DPY19L1: variants seen among roughly 807,000 people sequenced by gnomAD.
DPY19L1 encodes the protein protein C-mannosyl-transferase DPY19L1.
In DPY19L1, 35 loss-of-function variants were observed where a neutral mutation model predicts 96.9. The observed-to-expected ratio is 0.36, with a 90% CI of 0.28 to 0.48. DPY19L1 has a LOEUF of 0.48. Among genes scored for constraint, DPY19L1 ranks in the 20% least tolerant of loss-of-function variants. The pLI is 0.99. For synonymous variants in DPY19L1, 205 were observed against 252.6 expected (o/e 0.81, Z 1.79); for missense variants, 521 against 777.9 (o/e 0.67, Z 3.93).
At chr7:34,932,576 G>A (rs17170056) in intron 21 of DPY19L1, among the ~76,000 whole-genome samples, 3,063 of 152,224 alleles carry the variant, frequency 0.02, 108 homozygotes, top group African/African-American at 0.07. Flanking sequence ...TTGGACAGTC[G>A]ATATTCTAGA....
chr7:34,950,560 G>C (rs776089012), intron 13 of DPY19L1, among the ~76,000 whole-genome samples: 29 of 152,066 alleles, frequency 1.9e-4, no homozygotes, highest in Non-Finnish European at 3.8e-4. Context: ...GTCTAAAAAA[G>C]CAACAACCAA....
At chr7:35,009,850 T>C (rs188214944) in intron 6 of DPY19L1, among the ~76,000 whole-genome samples, 1 of 152,226 alleles carries the variant, frequency 6.6e-6, no homozygotes, top group Admixed American at 6.5e-5. Context: ...ATACAGCAAA[T>C]GGAATATACT....
chr7:35,028,023 A>G (rs1390406164), intron 1 of DPY19L1, among the ~76,000 whole-genome samples: 1 of 152,222 alleles, frequency 6.6e-6, no homozygotes, highest in Non-Finnish European at 1.5e-5. Context: ...AAAAATTAGA[A>G]AACTTAATTA....
At chr7:34,934,843 G>A (rs1321459582) in intron 21 of DPY19L1, among the ~76,000 whole-genome samples, 5 of 152,200 alleles carry the variant, frequency 3.3e-5, no homozygotes, top group African/African-American at 1.2e-4. Flanking sequence ...CTGTGAGACT[G>A]GGTTCCTAAC....
At chr7:35,013,745 C>A (rs764732561) in intron 3 of DPY19L1, 40 bp from the exon 4 acceptor site, 3 of 1,501,668 alleles carry the variant, frequency 2.0e-6, no homozygotes, top group African/African-American at 2.8e-5. Context: ...ACAAAAGGTA[C>A]ATAATTATGA....
Position 35,017,967 on chromosome 7 carries a change from C to A in DPY19L1, c.326G>T (p.Ser109Ile). 1 of 1,597,132 alleles carries A rather than the reference C, an allele frequency of 6.3e-7. No individual in the cohort carries two copies. Among genetic ancestry groups the A allele is most frequent in the Non-Finnish European group, 8.5e-7 (1 of 1,171,414 alleles). The change falls in exon 3 of 22, where the codon AGC becomes ATC. Residue 109 changes from serine to isoleucine, a missense_variant and splice_region_variant. Ser to Ile is a moderately radical substitution (Grantham distance 142). Coordinates refer to ENST00000638088, the MANE Select transcript of DPY19L1 (RefSeq NM_001366673.1). Reference sequence around the variant, plus strand: ...ATTTTCAAAGAGGTGTGTTATATGGCTCCTGGAAAAACAAAACAAAGCAAT... The same window carrying A: ...ATTTTCAAAGAGGTGTGTTATATGGATCCTGGAAAAACAAAACAAAGCAAT... The part of the protein sequence containing the change: ...LAVFAAVLHW[S>I]HITHLFENDR...
chr7:34,952,990 T>A (rs1346860795), intron 13 of DPY19L1, among the ~76,000 whole-genome samples: 1 of 152,118 alleles, frequency 6.6e-6, no homozygotes, highest in Admixed American at 6.5e-5. Context: ...ATCTCCCCCA[T>A]ACTGTTAGTC....
At chr7:34,952,631 T>C (rs1024942970) in intron 13 of DPY19L1, among the ~76,000 whole-genome samples, 10 of 151,976 alleles carry the variant, frequency 6.6e-5, no homozygotes, top group African/African-American at 2.4e-4. Flanking sequence ...AAAAACACCT[T>C]AAAAATATTA....
rs1227057911 is a variant in DPY19L1 at position 35,011,453 on chromosome 7, A to G, written c.550-3T>C. ...CGGTACCAACTGGCCAAAATTACCT[A>G]TTTTAAAAAATACAGAGGCATCTTA... is the stretch of plus-strand genomic sequence containing the variant. On this transcript the variant is annotated splice_region_variant and splice_polypyrimidine_tract_variant and intron_variant, in intron 4 of 21. Coordinates refer to ENST00000638088, the MANE Select transcript of DPY19L1 (RefSeq NM_001366673.1). The G allele has an allele frequency of 6.3e-7, 1 of 1,594,202 alleles. No individual in the cohort carries two copies. The highest frequency in any genetic ancestry group is 2.2e-5 in the East Asian group (1 of 44,704).
intron 7 of DPY19L1, among the ~76,000 whole-genome samples, chr7:34,988,999 C>T (rs1408258984): frequency 1.3e-5 from 2 of 152,102 alleles, no homozygotes; most frequent in East Asian, 3.9e-4. Flanking sequence ...TGCCCATTTA[C>T]AAAGAGGAAA....
chr7:34,969,366 T>G, intron 9 of DPY19L1, 67 bp downstream of exon 9: 1 of 860,700 alleles, frequency 1.2e-6, no homozygotes. Flanking sequence ...AGTTGTAATT[T>G]TATGCAAATG....
intron 13 of DPY19L1, among the ~76,000 whole-genome samples, chr7:34,950,134 G>A (rs138591796): frequency 0.014 from 2,169 of 152,000 alleles, 43 homozygotes; most frequent in African/African-American, 0.048. Flanking sequence ...CATCCCAAAG[G>A]CTTTTTCCCT....
intron 19 of DPY19L1, 33 bp from the exon 20 acceptor site, chr7:34,939,408 C>T: frequency 6.3e-7 from 1 of 1,589,752 alleles, no homozygotes; most frequent in African/African-American, 1.3e-5. Flanking sequence ...CAGGAAGACA[C>T]TCAGTGAAGG....
At chr7:34,985,764 T>G (rs1489903036) in intron 7 of DPY19L1, among the ~76,000 whole-genome samples, 1 of 151,962 alleles carries the variant, frequency 6.6e-6, no homozygotes, top group East Asian at 1.9e-4. Flanking sequence ...ACTATGTAAG[T>G]TTCCTCAAAA....
chr7:34,980,428 A>G (rs1178170096), intron 7 of DPY19L1, among the ~76,000 whole-genome samples: 1 of 152,144 alleles, frequency 6.6e-6, no homozygotes, highest in Non-Finnish European at 1.5e-5. Flanking sequence ...ATGGAACTTC[A>G]TGAAAATTAA....
intron 1 of DPY19L1, among the ~76,000 whole-genome samples, chr7:35,021,153 G>A (rs1785987234): frequency 6.6e-6 from 1 of 152,120 alleles, no homozygotes; most frequent in Admixed American, 6.5e-5. Flanking sequence ...GGCACTCTTG[G>A]CGTTGGTGGT....
At chr7:34,939,115 T>G in intron 20 of DPY19L1, 161 bp downstream of exon 20, 1 of 587,880 alleles carries the variant, frequency 1.7e-6, no homozygotes, top group Non-Finnish European at 2.8e-6. Flanking sequence ...ACGGATTTGT[T>G]TAGAGCTTAG....
At chr7:35,006,289 C>T (rs938846955) in intron 6 of DPY19L1, among the ~76,000 whole-genome samples, 24 of 152,158 alleles carry the variant, frequency 1.6e-4, no homozygotes, top group African/African-American at 5.6e-4. Context: ...TAGCTAACCC[C>T]GAACTCCAAA....
intron 7 of DPY19L1, among the ~76,000 whole-genome samples, chr7:34,988,970 G>A (rs1785106487): frequency 6.6e-6 from 1 of 152,180 alleles, no homozygotes; most frequent in Non-Finnish European, 1.5e-5. Flanking sequence ...ATAATCCTAT[G>A]AGGTGGGTAA....
Sources: allele counts gnomAD v4.1 joint callset (sites outside exome capture counted in the v4.1 genomes callset), GRCh38; gene constraint gnomAD v4.1.1; transcripts MANE v1.5; gene names NCBI Gene and HGNC (gene_info 2026-07-23, HGNC 2026-07-21).